Variants in CAPN3 observed in about 807,000 individuals in gnomAD.
CAPN3 encodes the protein calpain-3.
In CAPN3, 88 loss-of-function variants were observed where a neutral mutation model predicts 114.0. That is an observed-to-expected ratio of 0.77 (90% confidence interval 0.65 to 0.92). The LOEUF (loss-of-function observed/expected upper bound fraction) is 0.92, where lower values mean the gene tolerates loss of function less well. CAPN3 is among the 40% of genes least tolerant of loss of function. The pLI, the probability that CAPN3 is intolerant of heterozygous loss-of-function variation, is 0.00. For missense variants in CAPN3, 1,028 were observed against 1,069.0 expected, an observed-to-expected ratio of 0.96 and a Z score of 0.53; for synonymous variants, 386 against 382.9, an observed-to-expected ratio of 1.01 and a Z score of -0.09.
At chr15:42,391,536 A>C (rs2053556291) in intron 6 of CAPN3, among the ~76,000 whole-genome samples, 1 of 152,098 alleles carries the variant, frequency 6.6e-6, no homozygotes, top group Non-Finnish European at 1.5e-5. Flanking sequence ...GGCTCCACCC[A>C]TACCCCTCGC....
In CAPN3 at chr15:42,409,314, C is replaced by T; in HGVS notation, c.1926C>T (p.Gly642=). The change falls in exon 17 of 24, where the codon GGC becomes GGT. Residue 642 remains glycine, a synonymous_variant. Transcript: ENST00000397163. ...KQKQSPQPQP[G]SSDQESEEQQ... ...TTGTGCCTCCACAGCCACAGCCTGG[C>T]AGCTCTGATCAGGAAAGTGAGGAAC... The T allele has an allele frequency of 1.9e-6, 3 of 1,614,156 alleles. No homozygotes were observed. Among genetic ancestry groups the T allele is most frequent in the South Asian group, 2.2e-5 (2 of 91,072 alleles).
intron 9 of CAPN3, among the ~76,000 whole-genome samples, chr15:42,397,716 T>G (rs1030438682): frequency 6.6e-6 from 1 of 152,140 alleles, no homozygotes; most frequent in Non-Finnish European, 1.5e-5. Flanking sequence ...TACTTTATTT[T>G]TTATTTAAAA....
intron 1 of CAPN3, chr15:42,374,577 C>G (rs529631558): frequency 3.0e-4 from 46 of 152,200 alleles, no homozygotes; most frequent in African/African-American, 1.1e-3. Flanking sequence ...TCTTGGGGAA[C>G]AAGAAGCCAA....
chr15:42,361,580 G>T (rs114559229), intron 1 of CAPN3, among the ~76,000 whole-genome samples: 2,262 of 152,218 alleles, frequency 0.015, 58 homozygotes, highest in African/African-American at 0.052. Flanking sequence ...TGTCCTGAAG[G>T]CCTTCAGTTT....
rs1228852607 is a variant in CAPN3, at chr15:42,359,959, C to T, written c.154C>T (p.Pro52Ser). ...TTCAGCCATCATCAGCCGCAATTTT[C>T]CTATTATCGGAGTGAAAGAGAAGAC... Reference protein sequence around the residue: ...IYSAIISRNFPIIGVKEKTFE... With the variant: ...IYSAIISRNFSIIGVKEKTFE... The change falls in exon 1 of 24, where the codon CCT becomes TCT. Residue 52 changes from proline (P) to serine (S), a missense_variant. By Grantham distance (74) the Pro-to-Ser change is moderately conservative. Transcript: ENST00000397163. 1 of 1,614,198 alleles carries T rather than the reference C, an allele frequency of 6.2e-7. No individual in the cohort carries two copies. Among genetic ancestry groups the T allele is most frequent in the Non-Finnish European group, 8.5e-7 (1 of 1,180,034 alleles).
At chr15:42,371,209 G>A (rs1186616031) in intron 1 of CAPN3, among the ~76,000 whole-genome samples, 1 of 152,068 alleles carries the variant, frequency 6.6e-6, no homozygotes, top group Non-Finnish European at 1.5e-5. Flanking sequence ...GGGTAGGGGG[G>A]ATGGGGAAGG....
At chr15:42,410,060 A>T in intron 19 of CAPN3, 65 bp downstream of exon 19, 1 of 1,466,146 alleles carries the variant, frequency 6.8e-7, no homozygotes, top group Non-Finnish European at 9.5e-7. Flanking sequence ...GGCAACATAC[A>T]GGGTGCCCAG....
intron 14 of CAPN3, chr15:42,404,898 G>T (rs2053975494): frequency 9.7e-7 from 1 of 1,035,236 alleles, no homozygotes. Flanking sequence ...CTGGTCATCG[G>T]TGTGCAGTAT....
intron 1 of CAPN3, among the ~76,000 whole-genome samples, chr15:42,372,715 G>A (rs2052985666): frequency 6.6e-6 from 1 of 151,966 alleles, no homozygotes; most frequent in Admixed American, 6.6e-5. Context: ...AGGCGTGATG[G>A]TGGGTGCCTG....
chr15:42,374,687 G>A (rs1163893353), intron 1 of CAPN3, among the ~76,000 whole-genome samples: 2 of 151,682 alleles, frequency 1.3e-5, no homozygotes, highest in African/African-American at 4.8e-5. Flanking sequence ...TGAAACTGGA[G>A]ATGTTATTTT....
intron 3 of CAPN3, among the ~76,000 whole-genome samples, 160 bp from the exon 4 acceptor site, chr15:42,387,593 C>T (rs2053438045): frequency 6.6e-6 from 1 of 152,228 alleles, no homozygotes; most frequent in Non-Finnish European, 1.5e-5. Flanking sequence ...GACAGATTTA[C>T]ACACCCCAAA....
intron 9 of CAPN3, among the ~76,000 whole-genome samples, chr15:42,397,533 G>A (rs2053732333): frequency 6.6e-6 from 1 of 151,810 alleles, no homozygotes; most frequent in Non-Finnish European, 1.5e-5. Flanking sequence ...AGTCCTAGCT[G>A]CTGGGGAGGC....
intron 1 of CAPN3, among the ~76,000 whole-genome samples, chr15:42,376,923 T>C (rs2053103534): frequency 6.6e-6 from 1 of 152,212 alleles, no homozygotes; most frequent in Admixed American, 6.5e-5. Context: ...CTTGGCTTAG[T>C]GTGTTAATAT....
At chr15:42,375,213 T>G (rs1204274541) in intron 1 of CAPN3, among the ~76,000 whole-genome samples, 1 of 151,820 alleles carries the variant, frequency 6.6e-6, no homozygotes, top group African/African-American at 2.4e-5. Context: ...TTAGAAGTAC[T>G]AAGGCTCACA....
rs567256305 is a variant in CAPN3 at position 42,390,111 on chromosome 15, G to A, written c.945+15G>A. The A allele has an allele frequency of 2.0e-4, 325 of 1,613,952 alleles. 2 individuals are homozygous for A. The highest frequency in any genetic ancestry group is 1.7e-3 in the Middle Eastern group (10 of 6,056). Reference sequence around the variant, plus strand: ...GACCGACCCGGGTGTGTACACCTCCGATTATCAGAACTGACCATCCCTCCA... The same window carrying A: ...GACCGACCCGGGTGTGTACACCTCCAATTATCAGAACTGACCATCCCTCCA... On this transcript the variant is annotated intron_variant, in intron 6 of 23. Transcript: ENST00000397163.
chr15:42,372,120 CTT>C (rs1356216471), intron 1 of CAPN3, among the ~76,000 whole-genome samples: 1 of 151,966 alleles, frequency 6.6e-6, no homozygotes, highest in Non-Finnish European at 1.5e-5. Context: ...AAATAGGTGT[CTT>C]TTAATAAAAG....
chr15:42,401,604 G>A, intron 10 of CAPN3, 37 bp from the exon 11 acceptor site: 1 of 1,609,970 alleles, frequency 6.2e-7, no homozygotes. Flanking sequence ...CCTCTGAGAG[G>A]CAGCTGTGAA....
intron 1 of CAPN3, among the ~76,000 whole-genome samples, chr15:42,364,591 G>T (rs2052731364): frequency 6.6e-6 from 1 of 152,200 alleles, no homozygotes; most frequent in African/African-American, 2.4e-5. Flanking sequence ...CCCCTCATGG[G>T]CAGGGGACTG....
Position 42,411,733 on chromosome 15 carries a change from G to T in CAPN3, c.2440-14G>T. 8.1e-7 allele frequency: 1 copy of T among 1,229,358 alleles called. No homozygotes were observed. Among genetic ancestry groups the T allele is most frequent in the Non-Finnish European group, 1.2e-6 (1 of 840,876 alleles). The allele number at this position is 1,229,358 out of a possible 1,614,324, so 76.2% of individuals were successfully genotyped here. ...CTTTTCTGATCTACATTCTGATCTT[G>T]GGACTTCTTTCAGTGGCTGCAGCTC... On this transcript the variant is annotated splice_polypyrimidine_tract_variant and intron_variant, in intron 23 of 23. Transcript: ENST00000397163.
Sources: allele counts gnomAD v4.1 joint callset (sites outside exome capture counted in the v4.1 genomes callset), GRCh38; gene constraint gnomAD v4.1.1; transcripts MANE v1.5; gene names NCBI Gene and HGNC (gene_info 2026-07-23, HGNC 2026-07-21).